Variants in ZSCAN5A observed in about 807,000 individuals in gnomAD.
ZSCAN5A encodes zinc finger and SCAN domain containing 5A, also known as zinc finger and SCAN domain-containing protein 5A.
A neutral mutation model predicts 23.7 loss-of-function variants in ZSCAN5A; 12 were observed. The observed-to-expected ratio is 0.51, with a 90% CI of 0.32 to 0.82. The LOEUF (loss-of-function observed/expected upper bound fraction) is 0.82, where lower values mean the gene tolerates loss of function less well. Among genes scored for constraint, ZSCAN5A ranks in the 40% least tolerant of loss-of-function variants. ZSCAN5A has a pLI of 0.03. For missense variants in ZSCAN5A, 597 were observed against 617.9 expected (o/e 0.97, Z 0.36); for synonymous variants, 257 against 239.9 (o/e 1.07, Z -0.66).
At chr19:56,349,704 CAAAAAAAAAAAAAAAA>C (rs3059533) in intron 2 of ZSCAN5A, among the ~76,000 whole-genome samples, 1 of 30,904 alleles carries the variant, frequency 3.2e-5, no homozygotes, top group Admixed American at 4.8e-4. Context: ...AACTCCGTCT[CAAAAAAAAAAAAAAAA>C]AAAAAAAAAA....
intron 2 of ZSCAN5A, among the ~76,000 whole-genome samples, chr19:56,252,801 G>A (rs1260516665): frequency 6.6e-6 from 1 of 152,198 alleles, no homozygotes; most frequent in African/African-American, 2.4e-5. Context: ...CAGCCTTCTG[G>A]GGTCCAGGGG....
intron 2 of ZSCAN5A, among the ~76,000 whole-genome samples, chr19:56,308,297 G>C (rs1009370596): frequency 6.6e-6 from 1 of 151,738 alleles, no homozygotes; most frequent in Non-Finnish European, 1.5e-5. Context: ...CTCCCAAAGT[G>C]CTGGGATTAC....
In ZSCAN5A at chr19:56,244,628, A is replaced by G. The variant is rs369428809; in HGVS notation, c.-127-19455T>C. Among the ~76,000 whole-genome samples the G allele has an allele frequency of 4.6e-4, 67 of 146,568 alleles. 1 individual carries two copies. Among genetic ancestry groups the G allele is most frequent in the Admixed American group, 1.5e-3 (23 of 15,004 alleles). The stretch of plus-strand genomic sequence containing the variant: ...GGGAGGACAGGAGACGCTGCTAAGC[A>G]TTCTCTAATGCTCAGGACAACCCAC... On this transcript the variant is annotated intron_variant, in intron 2 of 5. Coordinates refer to ENST00000683990, the MANE Select transcript of ZSCAN5A (RefSeq NM_001322064.3).
At chr19:56,233,389 C>A (rs898967072) in intron 2 of ZSCAN5A, among the ~76,000 whole-genome samples, 18 of 152,032 alleles carry the variant, frequency 1.2e-4, no homozygotes, top group Non-Finnish European at 1.9e-4. Flanking sequence ...CGCTCGTTAT[C>A]GTGTTGAGAA....
At chr19:56,273,143 A>G (rs991589684) in intron 2 of ZSCAN5A, among the ~76,000 whole-genome samples, 1 of 152,126 alleles carries the variant, frequency 6.6e-6, no homozygotes, top group Non-Finnish European at 1.5e-5. Context: ...GGTTTCTATC[A>G]CTGATTCTGT....
chr19:56,364,195 G>A (rs1301199881), intron 1 of ZSCAN5A, among the ~76,000 whole-genome samples: 1 of 152,204 alleles, frequency 6.6e-6, no homozygotes, highest in Non-Finnish European at 1.5e-5. Flanking sequence ...AGAATAGATT[G>A]AGGAGACAGA....
chr19:56,322,057 G>T, intron 2 of ZSCAN5A: 1 of 771,488 alleles, frequency 1.3e-6, no homozygotes, highest in Non-Finnish European at 2.4e-6. Flanking sequence ...GGCATCTAGT[G>T]CACAGCCACT....
At chr19:56,287,990 G>A (rs966761142) in intron 2 of ZSCAN5A, among the ~76,000 whole-genome samples, 1 of 152,170 alleles carries the variant, frequency 6.6e-6, no homozygotes, top group South Asian at 2.1e-4. Flanking sequence ...GACCAGGAGC[G>A]TGGGTCTCTC....
At chr19:56,257,027 T>G (rs571425489) in intron 2 of ZSCAN5A, among the ~76,000 whole-genome samples, 1 of 152,316 alleles carries the variant, frequency 6.6e-6, no homozygotes, top group African/African-American at 2.4e-5. Context: ...GAGGTGTATT[T>G]GCCATCAGGG....
At chr19:56,253,208 T>G (rs940887396) in intron 2 of ZSCAN5A, among the ~76,000 whole-genome samples, 8 of 150,612 alleles carry the variant, frequency 5.3e-5, no homozygotes, top group Non-Finnish European at 1.2e-4. Flanking sequence ...AGCCTGGGAA[T>G]TTTGAGCTGT....
At chr19:56,304,554 G>A (rs6509989) in intron 2 of ZSCAN5A, among the ~76,000 whole-genome samples, 23,776 of 152,206 alleles carry the variant, frequency 0.16, 2,773 homozygotes, top group African/African-American at 0.32. Flanking sequence ...TTAGGGGATT[G>A]TGCTGCTTAT....
chr19:56,223,797 T>G lies in ZSCAN5A; in HGVS notation c.422A>C (p.Gln141Pro), dbSNP rs746040402. The part of the protein sequence containing the change: ...VTFHGKEYIV[Q>P]DSDIEMAEAP... The stretch of plus-strand genomic sequence containing the variant: ...TTCAGCCATCTCGATATCTGAGTCC[T>G]GCACAATATATTCCTTTCCGTGGAA... Residue 141 changes from glutamine (Q) to proline (P), a missense_variant, in exon 4 of 6, where the codon CAG becomes CCG. Gln to Pro is a moderately conservative substitution (Grantham distance 76). This residue lies in a region of ZSCAN5A where 406 missense variants were observed against 353.2 expected (regional missense o/e 1.15). Transcript: ENST00000683990. 6.2e-7 allele frequency: 1 copy of G among 1,613,752 alleles called. No homozygotes were observed. Among genetic ancestry groups the G allele is most frequent in the South Asian group, 1.1e-5 (1 of 91,080 alleles).
intron 2 of ZSCAN5A, among the ~76,000 whole-genome samples, chr19:56,287,020 C>T (rs1323279297): frequency 6.6e-6 from 1 of 152,236 alleles, no homozygotes; most frequent in Non-Finnish European, 1.5e-5. Context: ...GCCAGAAACA[C>T]TCAGATATTA....
chr19:56,315,814 A>G (rs1389371377), upstream of ZSCAN5A: 1 of 152,116 alleles, frequency 6.6e-6, no homozygotes, highest in African/African-American at 2.4e-5. Context: ...TTGATGTTAA[A>G]ATTTAGGTGG....
chr19:56,319,197 G>A (rs1449472336), upstream of ZSCAN5A, among the ~76,000 whole-genome samples: 2 of 151,680 alleles, frequency 1.3e-5, no homozygotes, highest in East Asian at 3.9e-4. Context: ...AAGCTGTACA[G>A]GCTTAATTCA....
Position 56,289,836 on chromosome 19 carries a change from A to T in ZSCAN5A, c.-128+23447T>A, listed in dbSNP as rs537992227. 2.0e-5 allele frequency among the ~76,000 whole-genome samples: 3 copies of T among 150,970 alleles called. No individual in the cohort carries two copies. In the East Asian group the frequency reaches 5.9e-4, roughly 29 times the overall value. ...ACCATGTTGCTCAGGCTGATCTTGA[A>T]CTCTTGGGCTCAAGCAATCTTCCCA... On this transcript the variant is annotated intron_variant, in intron 2 of 5. Coordinates refer to ENST00000683990, the MANE Select transcript of ZSCAN5A (RefSeq NM_001322064.3).
chr19:56,273,333 T>C (rs991082429), intron 2 of ZSCAN5A, among the ~76,000 whole-genome samples: 5 of 152,208 alleles, frequency 3.3e-5, no homozygotes, highest in African/African-American at 1.2e-4. Flanking sequence ...TTTTGCGACG[T>C]AAAGACACCA....
chr19:56,250,128 AG>A (rs2146727806), intron 2 of ZSCAN5A, among the ~76,000 whole-genome samples: 1 of 152,342 alleles, frequency 6.6e-6, no homozygotes, highest in South Asian at 2.1e-4. Flanking sequence ...TTGAAAGGTA[AG>A]GGCAGAATAG....
intron 2 of ZSCAN5A, chr19:56,282,458 G>A (rs2038785342): frequency 1.0e-6 from 1 of 984,810 alleles, no homozygotes; most frequent in Admixed American, 6.2e-5. Flanking sequence ...GCTACCATCG[G>A]TCCTGTCCTT....
Sources: gnomAD v4.1 joint callset for allele counts (sites outside exome capture counted in the v4.1 genomes callset) on GRCh38, gnomAD v4.1.1 for gene constraint, gnomAD v4.1.1 regional missense constraint, MANE v1.5 for transcripts, NCBI Gene and HGNC (gene_info 2026-07-23, HGNC 2026-07-21) for gene names.